Variants in PCDH15 observed in about 807,000 individuals in gnomAD.
PCDH15 encodes the protein protocadherin-15.
Under a neutral mutation model 178.5 loss-of-function variants are expected in PCDH15, and 129 were observed. That is an observed-to-expected ratio of 0.72 (90% CI 0.63 to 0.84). The LOEUF (loss-of-function observed/expected upper bound fraction) is 0.84. PCDH15 is among the 40% of genes least tolerant of loss of function. PCDH15 has a pLI of 0.00. For missense variants in PCDH15, 2,230 were observed against 2,099.9 expected, an observed-to-expected ratio of 1.06 and a Z score of -1.21; for synonymous variants, 800 against 732.0, an observed-to-expected ratio of 1.09 and a Z score of -1.50.
In PCDH15 at chr10:54,854,300, C is replaced by A. The variant is rs1332867617; in HGVS notation, c.-29+43150G>T. On this transcript the variant is annotated intron_variant, in intron 3 of 5. Coordinates refer to the PCDH15 transcript ENST00000458638. ...CCTGACTCAGGGGGCTCCCAGAGGG[C>A]TGCAACTCTTCTTTCCTTCTCTTCA... Among the ~76,000 whole-genome samples the A allele has an allele frequency of 5.3e-5, 8 of 152,290 alleles. No homozygotes were observed. The East Asian group carries it at 1.5e-3, about 29-fold the overall frequency.
chr10:54,969,943 T>C (rs989250732), intron 2 of PCDH15, among the ~76,000 whole-genome samples: 1 of 152,232 alleles, frequency 6.6e-6, no homozygotes, highest in African/African-American at 2.4e-5. Flanking sequence ...AAGAAATTTT[T>C]GTTGTCTTTT....
At chr10:55,256,686 C>T (rs559429324) in intron 1 of PCDH15, among the ~76,000 whole-genome samples, 17 of 152,274 alleles carry the variant, frequency 1.1e-4, no homozygotes, top group East Asian at 3.9e-4. Flanking sequence ...GAGGGGCGCC[C>T]GCCATTGCTC....
intron 25 of PCDH15, among the ~76,000 whole-genome samples, chr10:53,916,489 G>A (rs1387730916): frequency 6.7e-6 from 1 of 149,804 alleles, no homozygotes; most frequent in Non-Finnish European, 1.5e-5. Context: ...ACATTTAAAA[G>A]CCTCTGCAAC....
chr10:54,913,987 G>A (rs903485495), intron 2 of PCDH15, among the ~76,000 whole-genome samples: 1 of 152,152 alleles, frequency 6.6e-6, no homozygotes, highest in African/African-American at 2.4e-5. Flanking sequence ...GCAGTAGGGG[G>A]TTGCCTTGTC....
chr10:55,005,207 A>AAATAATAAT (rs373796184), intron 2 of PCDH15, among the ~76,000 whole-genome samples: 26 of 103,354 alleles, frequency 2.5e-4, no homozygotes, highest in African/African-American at 6.8e-4. Context: ...CCCTGTCTCT[A>AAATAATAAT]AATAATAATA....
intron 2 of PCDH15, among the ~76,000 whole-genome samples, chr10:55,147,196 C>T (rs1838541223): frequency 1.3e-5 from 2 of 151,004 alleles, no homozygotes; most frequent in Admixed American, 1.3e-4. Flanking sequence ...TTTAAAATCA[C>T]CAGTGGTCAA....
chr10:54,273,441 C>T (rs957519095), intron 8 of PCDH15, among the ~76,000 whole-genome samples: 12 of 150,110 alleles, frequency 8.0e-5, no homozygotes, highest in Non-Finnish European at 5.9e-5. Flanking sequence ...GATTGATGAC[C>T]AAGTAAAGAG....
intron 3 of PCDH15, among the ~76,000 whole-genome samples, chr10:54,855,403 T>C (rs1192963538): frequency 6.6e-6 from 1 of 152,138 alleles, no homozygotes; most frequent in African/African-American, 2.4e-5. Flanking sequence ...GGAGCTCCCA[T>C]CCCAACTCAG....
At chr10:54,220,792 T>C (rs1200423775) in intron 9 of PCDH15, among the ~76,000 whole-genome samples, 1 of 151,372 alleles carries the variant, frequency 6.6e-6, no homozygotes. Context: ...GCCACTGCAC[T>C]CCAGCCTGGG....
chr10:53,903,503 C>A lies in PCDH15; in HGVS notation c.3374-133G>T, dbSNP rs2082467908. The A allele has an allele frequency of 4.3e-6, 4 of 923,246 alleles. No individual in the cohort carries two copies. The Admixed American group carries it at 8.0e-5, about 18-fold the overall frequency. 57.2% of individuals were successfully genotyped at this position (923,246 alleles called of 1,614,324 possible). A position where few individuals can be genotyped will look rare whatever the true frequency, so the allele number is the denominator to read the frequency against. ...TCAAAAGCCATTTCTAGATGCCATG[C>A]CTAGCACCCCCAAATTCAGGGGACA... On this transcript the variant is annotated intron_variant, in intron 25 of 37. Coordinates refer to ENST00000644397, the MANE Select transcript of PCDH15 (RefSeq NM_001384140.1).
Position 53,806,603 on chromosome 10 carries a change from G to C in PCDH15, c.5199C>G (p.Leu1733=). The C allele has an allele frequency of 6.2e-7, 1 of 1,613,258 alleles. No individual in the cohort carries two copies. Residue 1733 remains leucine, a synonymous_variant, in exon 38 of 38, where the codon CTC becomes CTG. Coordinates refer to ENST00000644397, the MANE Select transcript of PCDH15 (RefSeq NM_001384140.1). ...GTCACAGTTTTGTCATTGGTATATG[G>C]AGGTTGTTCCAGGGGCCCATCCAAA... ...EELWMGPWNN[L]HIPMTKL
chr10:54,654,996 G>C (rs2094344862), intron 2 of PCDH15: 1 of 152,276 alleles, frequency 6.6e-6, no homozygotes, highest in Non-Finnish European at 1.5e-5. Context: ...CGGATCACGA[G>C]GTCAGGAGAT....
chr10:54,028,152 G>A (rs61858385), intron 18 of PCDH15, among the ~76,000 whole-genome samples: 2,321 of 149,436 alleles, frequency 0.016, 37 homozygotes, highest in Admixed American at 0.018. Context: ...CTTCTCAAAA[G>A]AAGACATTTA....
intron 3 of PCDH15, among the ~76,000 whole-genome samples, chr10:54,384,041 C>T (rs2135164455): frequency 6.8e-6 from 1 of 146,540 alleles, no homozygotes; most frequent in Admixed American, 7.0e-5. Flanking sequence ...GCCATGTTGG[C>T]CAGGCTGGTC....
chr10:54,112,368 A>G (rs2095041946), intron 15 of PCDH15, among the ~76,000 whole-genome samples: 1 of 146,054 alleles, frequency 6.8e-6, no homozygotes, highest in Non-Finnish European at 1.5e-5. Flanking sequence ...CATGATAAAC[A>G]AAAATGTCTG....
intron 1 of PCDH15, among the ~76,000 whole-genome samples, chr10:54,729,144 G>A (rs894263883): frequency 6.6e-6 from 1 of 151,644 alleles, no homozygotes. Context: ...AAAGTTGAAA[G>A]CATCACACTA....
At chr10:54,870,234 A>G (rs1483421866) in intron 3 of PCDH15, among the ~76,000 whole-genome samples, 1 of 152,154 alleles carries the variant, frequency 6.6e-6, no homozygotes, top group Non-Finnish European at 1.5e-5. Flanking sequence ...AATCAATTGG[A>G]AATTTTGTAT....
chr10:54,126,754 C>CT (rs1205463987), intron 15 of PCDH15, among the ~76,000 whole-genome samples: 1 of 151,966 alleles, frequency 6.6e-6, no homozygotes, highest in African/African-American at 2.4e-5. Context: ...GTCAGTACAT[C>CT]TGACCTTTCA....
intron 2 of PCDH15, among the ~76,000 whole-genome samples, chr10:55,330,838 A>ATGTGTGTGTGTGTG (rs71461291): frequency 1.5e-3 from 218 of 144,696 alleles, no homozygotes; most frequent in African/African-American, 5.1e-3. Context: ...AGATTTATTT[A>ATGTGTGTGTGTGTG]TGTGTGTGTG....
Sources: gnomAD v4.1 joint callset for allele counts (sites outside exome capture counted in the v4.1 genomes callset) on GRCh38, gnomAD v4.1.1 for gene constraint, MANE v1.5 for transcripts, NCBI Gene and HGNC (gene_info 2026-07-23, HGNC 2026-07-21) for gene names.